PDILT: variants seen among roughly 807,000 people sequenced by gnomAD.
PDILT encodes the protein protein disulfide isomerase like, testis expressed.
Under a neutral mutation model 53.7 loss-of-function variants are expected in PDILT, and 43 were observed. That is an observed-to-expected ratio of 0.80 (90% CI 0.63 to 1.03). The LOEUF (loss-of-function observed/expected upper bound fraction) is 1.03, where lower values mean the gene tolerates loss of function less well. PDILT is among the 50% of genes least tolerant of loss of function. PDILT has a pLI of 0.00. For missense variants in PDILT, 727 were observed against 712.3 expected, an observed-to-expected ratio of 1.02 and a Z score of -0.24; for synonymous variants, 282 against 274.2, an observed-to-expected ratio of 1.03 and a Z score of -0.28.
At chr16:20,360,754 A>AT in intron 10 of PDILT, 97 bp from the exon 11 acceptor site, 1 of 842,808 alleles carries the variant, frequency 1.2e-6, no homozygotes, top group Non-Finnish European at 2.0e-6. Flanking sequence ...AATTCCTAAC[A>AT]ACCCCGGGTA....
intron 1 of PDILT, among the ~76,000 whole-genome samples, chr16:20,404,100 G>C (rs1358542748): frequency 6.6e-6 from 1 of 152,136 alleles, no homozygotes; most frequent in Non-Finnish European, 1.5e-5. Flanking sequence ...GTTCACAGCT[G>C]TTTTCTCCCC....
chr16:20,377,966 A>T (rs1312206286), intron 3 of PDILT, among the ~76,000 whole-genome samples: 1 of 151,986 alleles, frequency 6.6e-6, no homozygotes, highest in Non-Finnish European at 1.5e-5. Flanking sequence ...AAAAGAAAAA[A>T]AAAAAGAAAG....
intron 2 of PDILT, among the ~76,000 whole-genome samples, chr16:20,393,480 A>T (rs1395374113): frequency 6.6e-6 from 1 of 152,220 alleles, no homozygotes; most frequent in African/African-American, 2.4e-5. Context: ...CCAATTGGAC[A>T]TTCCTTGTGG....
chr16:20,384,864 G>A lies in PDILT; in HGVS notation c.203-13C>T, dbSNP rs984469188. ...GAGGATGGGTTGTCTGAAAGAGTAT[G>A]AAGACAAAATTTGAGAGGCCTTTCC... On this transcript the variant is annotated splice_polypyrimidine_tract_variant and intron_variant, in intron 2 of 11. Transcript: ENST00000302451. 6.2e-7 allele frequency: 1 copy of A among 1,613,296 alleles called. No homozygotes were observed. The highest frequency in any genetic ancestry group is 8.5e-7 in the Non-Finnish European group (1 of 1,179,236).
At chr16:20,380,444 T>A (rs1230989050) in intron 3 of PDILT, among the ~76,000 whole-genome samples, 3 of 151,992 alleles carry the variant, frequency 2.0e-5, no homozygotes, top group Admixed American at 6.6e-5. Flanking sequence ...TTCAAGCAAT[T>A]CTCTGTCTCA....
intron 2 of PDILT, among the ~76,000 whole-genome samples, chr16:20,398,251 C>G (rs1019922927): frequency 2.0e-5 from 3 of 152,078 alleles, no homozygotes; most frequent in African/African-American, 7.3e-5. Flanking sequence ...GAAGAAGCAG[C>G]CTGCTCTGTC....
rs1383341526 is a variant in PDILT at position 20,373,137 on chromosome 16, G to C, written c.682-15C>G. On this transcript the variant is annotated splice_polypyrimidine_tract_variant and intron_variant, in intron 5 of 11. Coordinates refer to ENST00000302451, the MANE Select transcript of PDILT (RefSeq NM_174924.2). ...ACAATTTTTCCCTTGTACAAAAGGA[G>C]AAACATATTGGAGGACAGTAGCTTT... 6.3e-7 allele frequency: 1 copy of C among 1,596,948 alleles called. No homozygotes were observed. Among genetic ancestry groups the C allele is most frequent in the African/African-American group, 1.3e-5 (1 of 74,518 alleles).
rs145138322 is a variant in PDILT, at chr16:20,391,454, T to A, written c.203-6603A>T. On this transcript the variant is annotated intron_variant, in intron 2 of 11. Transcript: ENST00000302451. Reference sequence around the variant, plus strand: ...AACCTACTCCTAGGACAGAATCTTGTCACCTCTGCCTTAGGGACAAGTGAT... The same window carrying A: ...AACCTACTCCTAGGACAGAATCTTGACACCTCTGCCTTAGGGACAAGTGAT... 9.8e-5 allele frequency among the ~76,000 whole-genome samples: 15 copies of A among 152,292 alleles called. No individual in the cohort carries two copies. The East Asian group carries it at 1.4e-3, about 14-fold the overall frequency.
intron 11 of PDILT, among the ~76,000 whole-genome samples, 173 bp downstream of exon 11, chr16:20,360,395 G>A (rs1029729578): frequency 1.3e-5 from 2 of 152,150 alleles, no homozygotes; most frequent in African/African-American, 4.8e-5. Flanking sequence ...CCCATAGTAA[G>A]TGCCTTTGAA....
chr16:20,402,372 C>T (rs906040500), intron 1 of PDILT, among the ~76,000 whole-genome samples: 1 of 151,862 alleles, frequency 6.6e-6, no homozygotes, highest in South Asian at 2.1e-4. Flanking sequence ...GATCTCGGCT[C>T]TCTGCAACCT....
chr16:20,367,493 A>T (rs776342991), intron 8 of PDILT, among the ~76,000 whole-genome samples: 3 of 152,176 alleles, frequency 2.0e-5, no homozygotes, highest in Non-Finnish European at 4.4e-5. Context: ...AATGGCTCAG[A>T]TCAGGTGGAT....
In PDILT at chr16:20,399,126, G is replaced by T. The variant is rs948073662; in HGVS notation, c.175C>A (p.Gln59Lys). 5.6e-6 allele frequency: 9 copies of T among 1,614,074 alleles called. No homozygotes were observed. In the Admixed American group the frequency reaches 1.0e-4, roughly 18 times the overall value. The change falls in exon 2 of 12, where the codon CAG becomes AAG. Residue 59 changes from glutamine (Q) to lysine (K), a missense_variant. Physicochemically the swap from Gln to Lys is moderately conservative, Grantham distance 53 (BLOSUM62 1). Coordinates refer to ENST00000302451, the MANE Select transcript of PDILT (RefSeq NM_174924.2). ...AAAAGCACCATGAGGAAGCGGGTCT[G>T]GTTCAGCATCTGGGTCAGGCCAGCG... ...TPAGLTQMLN[Q>K]TRFLMVLFHN...
chr16:20,391,170 TTAA>T (rs1966602304), intron 2 of PDILT: 1 of 158,898 alleles, frequency 6.3e-6, no homozygotes, highest in Admixed American at 6.2e-5. Flanking sequence ...ATCACCATAG[TTAA>T]TAATCATGAT....
At position 20,399,154 on chromosome 16, in the gene PDILT, C is replaced by T. The variant is rs138704368; in HGVS notation, c.147G>A (p.Thr49=). 206 of 1,614,146 alleles carry T rather than the reference C, an allele frequency of 1.3e-4. No homozygotes were observed. In the African/African-American group the frequency reaches 2.4e-3, roughly 19 times the overall value. Reference sequence around the variant, plus strand: ...TCAGCATCTGGGTCAGGCCAGCGGGCGTTAGCACTAGGAGACTGCGTTCCT... The same window carrying T: ...TCAGCATCTGGGTCAGGCCAGCGGGTGTTAGCACTAGGAGACTGCGTTCCT... ...ILEERSLLVL[T]PAGLTQMLNQ... is the part of the protein sequence containing the mutation. The change falls in exon 2 of 12, where the codon ACG becomes ACA. Residue 49 remains threonine (T), a synonymous_variant. Transcript: ENST00000302451.
chr16:20,383,728 A>G (rs1269491150), intron 3 of PDILT, among the ~76,000 whole-genome samples: 1 of 152,188 alleles, frequency 6.6e-6, no homozygotes, highest in Non-Finnish European at 1.5e-5. Context: ...AGACTCAATA[A>G]TTTAACATAT....
chr16:20,378,382 T>G (rs1044139704), intron 3 of PDILT, among the ~76,000 whole-genome samples: 3 of 152,104 alleles, frequency 2.0e-5, no homozygotes, highest in Non-Finnish European at 4.4e-5. Flanking sequence ...CTCTAACTAC[T>G]TCTTCTTCTC....
chr16:20,400,094 T>C, intron 1 of PDILT, among the ~76,000 whole-genome samples: 1 of 150,874 alleles, frequency 6.6e-6, no homozygotes, highest in Non-Finnish European at 1.5e-5. Context: ...GGAGTTTTGC[T>C]CTTGTCACCC....
chr16:20,359,559 A>G lies in PDILT; in HGVS notation c.1515T>C (p.Ser505=), dbSNP rs1966067709. ...CTTCTATCACTTCATTTTGCTCAAC[A>G]GACAACAGCTATGAAAGCAAAGGTG... ...TKIEDEDELL[S]VEQNEVIEEE... The change falls in exon 12 of 12, where the codon TCT becomes TCC. Residue 505 remains serine (S), a synonymous_variant. Coordinates refer to ENST00000302451, the MANE Select transcript of PDILT (RefSeq NM_174924.2). 2 of 1,613,736 alleles carry G rather than the reference A, an allele frequency of 1.2e-6. No homozygotes were observed. The highest frequency in any genetic ancestry group is 4.5e-5 in the East Asian group (2 of 44,902).
In PDILT at chr16:20,367,013, TCTCTCTCTTTC is replaced by T. The variant is rs1567320562; in HGVS notation, c.1117-1484_1117-1474del. On this transcript the variant is annotated intron_variant, in intron 8 of 11. Transcript: ENST00000302451. The stretch of plus-strand genomic sequence containing the variant: ...CTTTCTTTCTTTCTTTATTTATTTC[TCTCTCTCTTTC>T]TTCTTTCTTTCTTTCTTTCTTTCTT... 6.5e-4 allele frequency among the ~76,000 whole-genome samples: 97 copies of T among 149,868 alleles called. 5 individuals are homozygous for T. Among genetic ancestry groups the T allele is most frequent in the African/African-American group, 1.9e-3 (78 of 40,492 alleles).
Sources: gnomAD v4.1 joint callset for allele counts (sites outside exome capture counted in the v4.1 genomes callset) on GRCh38, gnomAD v4.1.1 for gene constraint, MANE v1.5 for transcripts, NCBI Gene and HGNC (gene_info 2026-07-23, HGNC 2026-07-21) for gene names.